N4BP2L2: variants seen among roughly 807,000 people sequenced by gnomAD.
N4BP2L2 encodes NEDD4-binding protein 2-like 2.
A neutral mutation model predicts 56.2 loss-of-function variants in N4BP2L2; 50 were observed. The ratio of observed to expected loss-of-function variants is 0.89; its 90% CI spans 0.71 to 1.13. N4BP2L2 has a LOEUF of 1.13. Among genes scored for constraint, N4BP2L2 ranks in the 50% most tolerant of loss-of-function variants. The probability of loss-of-function intolerance (pLI) is 0.00; values close to 1 mark genes in which losing one functional copy is unlikely to be tolerated. For synonymous variants in N4BP2L2, 203 were observed against 223.6 expected, an observed-to-expected ratio of 0.91 and a Z score of 0.82; for missense variants, 689 against 693.8, an observed-to-expected ratio of 0.99 and a Z score of 0.08.
chr13:32,520,860 T>C (rs2050690396), intron 5 of N4BP2L2, among the ~76,000 whole-genome samples: 1 of 152,190 alleles, frequency 6.6e-6, no homozygotes, highest in East Asian at 1.9e-4. Flanking sequence ...ACTCTACCCA[T>C]ATCTGTACTC....
At chr13:32,536,050 C>G in exon 2 of N4BP2L2, 15 of 1,613,972 alleles carry the variant, frequency 9.3e-6, no homozygotes, top group Non-Finnish European at 1.3e-5. Context: ...TCATGCAATT[C>G]CAGTTAACAT....
At chr13:32,501,840 CAA>C (rs796268652) in intron 6 of N4BP2L2, among the ~76,000 whole-genome samples, 4 of 124,202 alleles carry the variant, frequency 3.2e-5, no homozygotes, top group Middle Eastern at 3.8e-3. Context: ...GACTCTGTCT[CAA>C]AAAAAAAAAA....
intron 6 of N4BP2L2, chr13:32,477,675 A>C (rs1247680900): frequency 5.7e-6 from 2 of 347,948 alleles, no homozygotes; most frequent in African/African-American, 4.3e-5. Flanking sequence ...GCAATCAGAA[A>C]ACCGTTTGTT....
chr13:32,500,122 G>A (rs2089677406), intron 6 of N4BP2L2, among the ~76,000 whole-genome samples: 1 of 151,928 alleles, frequency 6.6e-6, no homozygotes, highest in African/African-American at 2.4e-5. Context: ...ATGCCCACCT[G>A]AGCTTCAGCC....
intron 6 of N4BP2L2, among the ~76,000 whole-genome samples, chr13:32,470,179 C>T (rs147573420): frequency 6.6e-6 from 1 of 152,298 alleles, no homozygotes; most frequent in African/African-American, 2.4e-5. Context: ...GCTGTGCTGT[C>T]TGTCACAGAC....
At chr13:32,527,375 A>G (rs2053662654) in intron 3 of N4BP2L2, 33 bp downstream of exon 3, 3 of 1,606,112 alleles carry the variant, frequency 1.9e-6, no homozygotes, top group African/African-American at 1.3e-5. Flanking sequence ...CTAGCCAAAT[A>G]TTCTATCCTG....
chr13:32,489,352 T>C (rs1347647367), intron 6 of N4BP2L2, among the ~76,000 whole-genome samples: 2 of 152,222 alleles, frequency 1.3e-5, no homozygotes, highest in African/African-American at 2.4e-5. Context: ...TTGCCAGTAA[T>C]AACAATAACA....
At chr13:32,464,491 G>A (rs1201233616) in intron 6 of N4BP2L2, among the ~76,000 whole-genome samples, 1 of 152,160 alleles carries the variant, frequency 6.6e-6, no homozygotes, top group African/African-American at 2.4e-5. Context: ...ACGTCCAACA[G>A]GAGAAGCCTC....
chr13:32,536,379 G>A, exon 2 of N4BP2L2: 1 of 1,614,040 alleles, frequency 6.2e-7, no homozygotes, highest in South Asian at 1.1e-5. Flanking sequence ...TCTTCATCAG[G>A]TTTTAAGAGA....
At chr13:32,535,221 C>T (rs1047711072) in intron 2 of N4BP2L2, among the ~76,000 whole-genome samples, 4 of 152,178 alleles carry the variant, frequency 2.6e-5, no homozygotes, top group South Asian at 4.1e-4. Context: ...TGAGTCAATA[C>T]CCAAATTTTC....
chr13:32,523,733 A>G (rs2051774302), intron 3 of N4BP2L2: 2 of 151,840 alleles, frequency 1.3e-5, no homozygotes, highest in African/African-American at 2.4e-5. Context: ...CAAACATCAT[A>G]TGTTCTCACT....
chr13:32,438,645 T>C (rs1555233540), intron 8 of N4BP2L2: 30 of 1,566,650 alleles, frequency 1.9e-5, no homozygotes, highest in South Asian at 4.5e-5. Context: ...CACACACACA[T>C]ATATACCTCC....
chr13:32,480,356 T>C (rs1396847123), intron 6 of N4BP2L2, among the ~76,000 whole-genome samples: 1 of 152,194 alleles, frequency 6.6e-6, no homozygotes, highest in Non-Finnish European at 1.5e-5. Flanking sequence ...CCTCATTTAA[T>C]GCAATTGTAA....
chr13:32,450,898 CTT>C (rs1171087522), intron 6 of N4BP2L2, among the ~76,000 whole-genome samples: 14 of 119,866 alleles, frequency 1.2e-4, no homozygotes, highest in African/African-American at 3.4e-4. Context: ...CTCTCTCTCT[CTT>C]TCTGACGTGT....
chr13:32,527,381 T>G (rs894997292), intron 3 of N4BP2L2, 27 bp downstream of exon 3: 1 of 1,610,408 alleles, frequency 6.2e-7, no homozygotes, highest in Non-Finnish European at 8.5e-7. Flanking sequence ...AAATATTCTA[T>G]CCTGGGACAC....
intron 6 of N4BP2L2, among the ~76,000 whole-genome samples, chr13:32,470,785 C>T (rs1034442025): frequency 2.2e-4 from 33 of 152,182 alleles, no homozygotes; most frequent in African/African-American, 7.5e-4. Context: ...AGTACAAGTA[C>T]CTTAGCTGCA....
Position 32,522,168 on chromosome 13 carries a change from T to C in N4BP2L2, c.1473+14A>G, listed in dbSNP as rs778698717. 5.8e-5 allele frequency: 86 copies of C among 1,473,106 alleles called. No homozygotes were observed. The highest frequency in any genetic ancestry group is 7.3e-5 in the Non-Finnish European group (79 of 1,082,216). The allele number at this position is 1,473,106 out of a possible 1,614,324, so 91.3% of individuals were successfully genotyped here. On this transcript the variant is annotated intron_variant, in intron 4 of 5. Coordinates refer to ENST00000267068, the Ensembl canonical transcript of N4BP2L2. Reference sequence around the variant, plus strand: ...AGAATAAAAAATAAAAACTTTCTCATGTTTCATATTTACCACTTCCACATA... The same window carrying C: ...AGAATAAAAAATAAAAACTTTCTCACGTTTCATATTTACCACTTCCACATA...
chr13:32,503,021 A>G (rs140726181), intron 6 of N4BP2L2, among the ~76,000 whole-genome samples: 140 of 151,936 alleles, frequency 9.2e-4, no homozygotes, highest in Non-Finnish European at 1.8e-3. Context: ...AAAAATGCAA[A>G]AATTAGTCGG....
At chr13:32,532,648 T>C (rs1209609612) in intron 2 of N4BP2L2, among the ~76,000 whole-genome samples, 2 of 149,706 alleles carry the variant, frequency 1.3e-5, no homozygotes, top group African/African-American at 4.9e-5. Context: ...TGGAGTGCAG[T>C]GGTGTGATCT....
Sources: gnomAD v4.1 joint callset for allele counts (sites outside exome capture counted in the v4.1 genomes callset) on GRCh38, gnomAD v4.1.1 for gene constraint, MANE v1.5 for transcripts, NCBI Gene and HGNC (gene_info 2026-07-23, HGNC 2026-07-21) for gene names.